Variants in CCDC178 observed in about 807,000 individuals in gnomAD.
The protein encoded by CCDC178 is coiled-coil domain containing 178, also known as coiled-coil domain-containing protein 178.
A neutral mutation model predicts 117.4 loss-of-function variants in CCDC178; 126 were observed. The observed-to-expected ratio is 1.07, with a 90% CI of 0.93 to 1.24. CCDC178 has a LOEUF of 1.24. Among genes scored for constraint, CCDC178 ranks in the 50% most tolerant of loss-of-function variants. The pLI is 0.00. For missense variants in CCDC178, 1,030 were observed against 986.9 expected, an observed-to-expected ratio of 1.04 and a Z score of -0.59; for synonymous variants, 283 against 313.4, an observed-to-expected ratio of 0.90 and a Z score of 1.02.
intron 11 of CCDC178, among the ~76,000 whole-genome samples, chr18:33,310,270 C>T (rs1029784730): frequency 1.3e-5 from 2 of 152,126 alleles, no homozygotes; most frequent in East Asian, 3.9e-4. Flanking sequence ...ACTGGTTATT[C>T]TAAAAGAGAT....
intron 12 of CCDC178, among the ~76,000 whole-genome samples, chr18:33,288,265 CTCCTCTCCCT>C (rs1429459447): frequency 8.0e-6 from 1 of 125,528 alleles, no homozygotes; most frequent in African/African-American, 3.1e-5. Flanking sequence ...CTTCCCTCCC[CTCCTCTCCCT>C]TCCTCTCCCC....
intron 21 of CCDC178, among the ~76,000 whole-genome samples, chr18:33,039,030 A>G (rs548206451): frequency 1.3e-5 from 2 of 152,226 alleles, no homozygotes; most frequent in East Asian, 3.9e-4. Context: ...GAAGATATGT[A>G]TAAAGTATTT....
intron 20 of CCDC178, among the ~76,000 whole-genome samples, chr18:33,171,933 T>C (rs1362179487): frequency 2.6e-5 from 4 of 152,212 alleles, no homozygotes; most frequent in Admixed American, 1.3e-4. Context: ...TGTTTTGAGA[T>C]GGGATCTTGC....
intron 6 of CCDC178, among the ~76,000 whole-genome samples, chr18:33,366,147 T>C (rs942045959): frequency 3.9e-5 from 6 of 152,056 alleles, no homozygotes; most frequent in African/African-American, 1.4e-4. Context: ...AGGGTAGATG[T>C]AAGCTTTATA....
At chr18:33,195,953 G>C (rs1347177720) in intron 20 of CCDC178, among the ~76,000 whole-genome samples, 1 of 152,158 alleles carries the variant, frequency 6.6e-6, no homozygotes, top group Admixed American at 6.5e-5. Flanking sequence ...GTGTAGAGTT[G>C]AATTACCTAA....
At chr18:33,441,039 C>T (rs1055009625), upstream of CCDC178, 1 of 152,304 alleles carries the variant, frequency 6.6e-6, no homozygotes, top group Non-Finnish European at 1.5e-5. Flanking sequence ...CGTCCACCTT[C>T]GGGAGGACCG....
chr18:33,172,125 GTCT>G (rs1192607888), intron 20 of CCDC178, among the ~76,000 whole-genome samples: 1 of 152,134 alleles, frequency 6.6e-6, no homozygotes, highest in East Asian at 1.9e-4. Flanking sequence ...GATCAGGCTG[GTCT>G]CGACGATCCA....
chr18:32,986,554 T>C (rs1288527720), intron 21 of CCDC178, among the ~76,000 whole-genome samples: 1 of 152,024 alleles, frequency 6.6e-6, no homozygotes, highest in Admixed American at 6.6e-5. Flanking sequence ...AGAACAAGGG[T>C]AATAAAGAGA....
chr18:33,267,088 T>A, intron 13 of CCDC178, 36 bp from the exon 14 acceptor site: 1 of 1,555,928 alleles, frequency 6.4e-7, no homozygotes. Flanking sequence ...TTCATACATG[T>A]CTAATTATCA....
intron 12 of CCDC178, among the ~76,000 whole-genome samples, chr18:33,277,227 T>C (rs1214821980): frequency 6.6e-6 from 1 of 152,100 alleles, no homozygotes; most frequent in African/African-American, 2.4e-5. Flanking sequence ...ATGAGTAACA[T>C]AAATAATTTT....
intron 21 of CCDC178, among the ~76,000 whole-genome samples, chr18:33,040,790 C>A (rs1294471022): frequency 2.0e-5 from 3 of 151,848 alleles, no homozygotes; most frequent in Non-Finnish European, 4.4e-5. Context: ...TGCAGGAACT[C>A]AAAAAATAGC....
At chr18:33,439,306 G>C (rs1392102502) in intron 2 of CCDC178, among the ~76,000 whole-genome samples, 1 of 152,216 alleles carries the variant, frequency 6.6e-6, no homozygotes. Flanking sequence ...CAAATTAGTT[G>C]AGTCTAAGGT....
intron 20 of CCDC178, among the ~76,000 whole-genome samples, chr18:33,142,416 A>G (rs2058218176): frequency 6.6e-6 from 1 of 152,206 alleles, no homozygotes; most frequent in African/African-American, 2.4e-5. Context: ...TGAACAATAC[A>G]GTATCATGAT....
chr18:33,257,647 G>A (rs182434888), intron 14 of CCDC178, among the ~76,000 whole-genome samples: 82 of 152,130 alleles, frequency 5.4e-4, no homozygotes, highest in Admixed American at 1.7e-3. Context: ...ATTTATAAGT[G>A]TTCTGTAGCA....
At chr18:33,374,907 T>C (rs2063344460) in intron 5 of CCDC178, among the ~76,000 whole-genome samples, 1 of 152,186 alleles carries the variant, frequency 6.6e-6, no homozygotes, top group African/African-American at 2.4e-5. Context: ...TTATTTGAAA[T>C]GTTACAGTGG....
intron 19 of CCDC178, among the ~76,000 whole-genome samples, chr18:33,213,278 G>A (rs2059127926): frequency 6.6e-6 from 1 of 151,938 alleles, no homozygotes; most frequent in Admixed American, 6.6e-5. Flanking sequence ...CGTTATAGCT[G>A]TTATCAGCAA....
intron 2 of CCDC178, among the ~76,000 whole-genome samples, chr18:33,418,565 T>C (rs902226695): frequency 4.7e-5 from 7 of 149,576 alleles, no homozygotes; most frequent in Middle Eastern, 3.4e-3. Flanking sequence ...TTGCAGACAA[T>C]ACATTTCTAT....
chr18:33,245,337 C>A lies in CCDC178; in HGVS notation c.1501G>T (p.Glu501Ter), dbSNP rs1405361312. Residue 501 changes from glutamate to a stop codon, truncating the protein, a stop_gained, in exon 15 of 23, where the codon GAG (glutamate) becomes TAG (stop). Transcript: ENST00000383096. LOFTEE classifies it high-confidence loss of function. ...AAAAGAGTACCAATGCGATAAGCCT[C>A]CTTATAGATGTTCTTGAGATGTTTA... is the stretch of plus-strand genomic sequence containing the variant. Reference protein sequence around the residue: ...NDKHLKNIYKEAYRIGTLFHL... With the variant: ...NDKHLKNIYK 6.2e-6 allele frequency: 10 copies of A among 1,608,428 alleles called. No homozygotes were observed. Among genetic ancestry groups the A allele is most frequent in the Non-Finnish European group, 8.5e-6 (10 of 1,177,512 alleles).
chr18:33,001,128 G>A (rs1213605072), intron 21 of CCDC178, among the ~76,000 whole-genome samples: 6 of 152,162 alleles, frequency 3.9e-5, no homozygotes, highest in Non-Finnish European at 7.3e-5. Context: ...GTTTGTTGAT[G>A]CAATCTGTGT....
Sources: gnomAD v4.1 joint callset for allele counts (sites outside exome capture counted in the v4.1 genomes callset) on GRCh38, gnomAD v4.1.1 for gene constraint, MANE v1.5 for transcripts, NCBI Gene and HGNC (gene_info 2026-07-23, HGNC 2026-07-21) for gene names.